GET1: variants seen among roughly 807,000 people sequenced by gnomAD.
GET1 encodes the protein congenital heart disease 5 protein.
In GET1, 20 loss-of-function variants were observed where a neutral mutation model predicts 22.6. The ratio of observed to expected loss-of-function variants is 0.89; its 90% CI spans 0.62 to 1.29. The LOEUF (loss-of-function observed/expected upper bound fraction) is 1.29, where lower values mean the gene tolerates loss of function less well. Ranked by LOEUF, GET1 falls within the 50% of genes most tolerant of loss-of-function variation. The pLI is 0.00. For synonymous variants in GET1, 92 were observed against 83.8 expected, an observed-to-expected ratio of 1.10 and a Z score of -0.53; for missense variants, 209 against 219.9, an observed-to-expected ratio of 0.95 and a Z score of 0.31.
At chr21:39,401,264 G>T (rs547533027), downstream of GET1, among the ~76,000 whole-genome samples, 5 of 152,078 alleles carry the variant, frequency 3.3e-5, no homozygotes, top group Non-Finnish European at 7.4e-5. Context: ...GCCCAGGCTG[G>T]TTTCAAACTC....
At chr21:39,409,887 C>G (rs1049811639), downstream of GET1, 2 of 730,952 alleles carry the variant, frequency 2.7e-6, no homozygotes, top group Non-Finnish European at 4.5e-6. The surrounding 1 kb of genome is among the most constrained non-coding windows in gnomAD (Gnocchi z 4.2). Flanking sequence ...AGCTGCCATG[C>G]CCAGCTGTTT....
downstream of GET1, chr21:39,410,472 T>C: frequency 1.7e-6 from 1 of 605,376 alleles, no homozygotes; most frequent in South Asian, 2.3e-5. Flanking sequence ...TAAAGTATAC[T>C]AAGTATTTTC....
At chr21:39,385,815 G>A (rs1217149124) in intron 1 of GET1, among the ~76,000 whole-genome samples, 1 of 152,184 alleles carries the variant, frequency 6.6e-6, no homozygotes, top group African/African-American at 2.4e-5. Flanking sequence ...AGGTGCCCCA[G>A]GACTGGCACG....
chr21:39,417,587 A>C (rs4607016), intron 1 of GET1, among the ~76,000 whole-genome samples: 19,555 of 152,064 alleles, frequency 0.13, 4,095 homozygotes, highest in African/African-American at 0.44. Flanking sequence ...TAAAGACATA[A>C]CTGAGTCTAG....
At chr21:39,424,617 T>A (rs1343413499) in intron 1 of GET1, among the ~76,000 whole-genome samples, 2 of 152,336 alleles carry the variant, frequency 1.3e-5, no homozygotes, top group African/African-American at 4.8e-5. Context: ...AATTAGAGTA[T>A]AACATGAGAA....
At chr21:39,419,536 GAAAAAAGAAAA>G (rs2041919056) in intron 1 of GET1, among the ~76,000 whole-genome samples, 1 of 129,014 alleles carries the variant, frequency 7.8e-6, no homozygotes, top group African/African-American at 3.4e-5. Context: ...AAAAAAAAAA[GAAAAAAGAAAA>G]AAGAAAGAAA....
At chr21:39,419,168 TCTC>T (rs1280155100) in intron 1 of GET1, among the ~76,000 whole-genome samples, 9 of 152,022 alleles carry the variant, frequency 5.9e-5, no homozygotes, top group African/African-American at 1.9e-4. Context: ...CCACTATTCT[TCTC>T]CTGTCTCTGA....
rs569835906 is a variant in GET1, at chr21:39,418,701, T to G, written c.*23+7764T>G. 1.4e-3 allele frequency among the ~76,000 whole-genome samples: 217 copies of G among 152,052 alleles called. 1 individual carries two copies. Among genetic ancestry groups the G allele is most frequent in the African/African-American group, 5.1e-3 (211 of 41,538 alleles). On this transcript the variant is annotated intron_variant, in intron 1 of 1. Transcript: ENST00000478273. ...TTTTAGTAGAGACGGGGTTTTGCCA[T>G]GTTGGTCAGGCTGGTCTCGAACTCC... is the stretch of plus-strand genomic sequence containing the variant.
chr21:39,428,312 A>G (rs201559621), exon 2 of GET1: 12 of 1,613,374 alleles, frequency 7.4e-6, no homozygotes, highest in Admixed American at 1.7e-5. Context: ...CTGAGAACTT[A>G]AACTTCCACA....
downstream of GET1, among the ~76,000 whole-genome samples, chr21:39,400,857 T>C (rs2038822020): frequency 1.3e-5 from 2 of 152,296 alleles, no homozygotes; most frequent in South Asian, 4.1e-4. Context: ...GAAAGGATAT[T>C]GGACTCTAAA....
chr21:39,387,597 C>T (rs976409376), intron 1 of GET1, among the ~76,000 whole-genome samples: 1 of 152,140 alleles, frequency 6.6e-6, no homozygotes, highest in East Asian at 1.9e-4. Context: ...ATTTGAACCC[C>T]CTACTCCCTG....
intron 4 of GET1, among the ~76,000 whole-genome samples, chr21:39,403,536 A>G (rs12053750): frequency 0.15 from 20,800 of 137,616 alleles, 2,020 homozygotes; most frequent in Non-Finnish European, 0.18. Context: ...CGTGTTAGCC[A>G]GGATGGTCTC....
chr21:39,381,717 G>A (rs1601589873), intron 1 of GET1, among the ~76,000 whole-genome samples: 2 of 152,272 alleles, frequency 1.3e-5, no homozygotes, highest in East Asian at 1.9e-4. Flanking sequence ...GTGGCATTAA[G>A]TACATTCACA....
intron 1 of GET1, among the ~76,000 whole-genome samples, chr21:39,390,042 GTTT>G (rs553712185): frequency 9.9e-5 from 13 of 130,896 alleles, no homozygotes; most frequent in East Asian, 6.5e-4. Context: ...TTGAATATGA[GTTT>G]TTTTTTTTTT....
intron 1 of GET1, among the ~76,000 whole-genome samples, chr21:39,421,328 C>T (rs2073735734): frequency 6.6e-6 from 1 of 152,124 alleles, no homozygotes; most frequent in Admixed American, 6.6e-5. Flanking sequence ...TCTCAAGCTC[C>T]TGGCCCACCT....
intron 3 of GET1, 78 bp from the exon 4 acceptor site, chr21:39,393,088 G>T (rs953624417): frequency 6.4e-6 from 8 of 1,250,060 alleles, no homozygotes; most frequent in African/African-American, 1.5e-5. Context: ...TTTTATTTTC[G>T]CATTTCCCTG....
exon 5 of GET1, chr21:39,406,293 A>C: frequency 6.2e-7 from 1 of 1,614,216 alleles, no homozygotes; most frequent in Non-Finnish European, 8.5e-7. Flanking sequence ...GAAGCCCATG[A>C]TGCAGGTTTT....
rs780630389 is a variant in GET1 at position 39,380,476 on chromosome 21, TCTC to T, written c.93_95del (p.Phe31_Ser32delinsLeu). 1 of 1,612,004 alleles carries T rather than the reference TCTC, an allele frequency of 6.2e-7. No individual in the cohort carries two copies. The highest frequency in any genetic ancestry group is 8.5e-7 in the Non-Finnish European group (1 of 1,179,062). ...GTTCTTAGGATCCTCCTCCCGTCCT[TCTC>T]ATCCTTCGTAAGTGGCTGCCTGGCC... On this transcript the variant is annotated inframe_deletion, in exon 1 of 5. Transcript: ENST00000649170.
intron 4 of GET1, 95 bp from the exon 5 acceptor site, chr21:39,396,771 G>T: frequency 8.8e-7 from 1 of 1,137,950 alleles, no homozygotes; most frequent in Non-Finnish European, 1.3e-6. Flanking sequence ...CAAAAAGAAT[G>T]GAAATACTCT....
Sources: allele counts gnomAD v4.1 joint callset (sites outside exome capture counted in the v4.1 genomes callset), GRCh38; gene constraint gnomAD v4.1.1; non-coding constraint Gnocchi (gnomAD v3.1); transcripts MANE v1.5; gene names NCBI Gene and HGNC (gene_info 2026-07-23, HGNC 2026-07-21).